SEPTIN9: variants seen among roughly 807,000 people sequenced by gnomAD.
SEPTIN9 encodes septin-9.
In SEPTIN9, 13 loss-of-function variants were observed where a neutral mutation model predicts 56.6. The ratio of observed to expected loss-of-function variants is 0.23; its 90% CI spans 0.15 to 0.37. The LOEUF is 0.37. Ranked by LOEUF, SEPTIN9 falls within the 10% of genes least tolerant of loss-of-function variation. The pLI is 1.00. For missense variants in SEPTIN9, 650 were observed against 823.1 expected (o/e 0.79, Z 2.57); for synonymous variants, 332 against 334.1 (o/e 0.99, Z 0.07).
intron 1 of SEPTIN9, among the ~76,000 whole-genome samples, chr17:77,288,929 G>A (rs1219094133): frequency 6.6e-6 from 1 of 152,236 alleles, no homozygotes; most frequent in African/African-American, 2.4e-5. Flanking sequence ...TGGATTTCTC[G>A]CCAGTGTTGG....
At chr17:77,388,483 C>T (rs1015931164) in intron 2 of SEPTIN9, among the ~76,000 whole-genome samples, 1 of 152,246 alleles carries the variant, frequency 6.6e-6, no homozygotes, top group African/African-American at 2.4e-5. Context: ...CCAGGCAGAT[C>T]CGTGTAGGTT....
intron 2 of SEPTIN9, among the ~76,000 whole-genome samples, chr17:77,368,492 A>G (rs1255630475): frequency 1.3e-5 from 2 of 152,032 alleles, no homozygotes; most frequent in Admixed American, 1.3e-4. Context: ...TTGTATTTTT[A>G]GTAGAGACAG....
At chr17:77,485,808 A>G (rs938069740) in intron 4 of SEPTIN9, among the ~76,000 whole-genome samples, 2 of 152,110 alleles carry the variant, frequency 1.3e-5, no homozygotes, top group South Asian at 4.1e-4. Flanking sequence ...AGGTGTTATC[A>G]AAGTCAGAAC....
intron 2 of SEPTIN9, among the ~76,000 whole-genome samples, chr17:77,355,553 C>T (rs1296608940): frequency 2.0e-5 from 3 of 152,022 alleles, no homozygotes; most frequent in East Asian, 1.9e-4. Context: ...GGATGGGGAT[C>T]GTGGGCTGAA....
chr17:77,321,545 G>A (rs57479163), intron 2 of SEPTIN9, among the ~76,000 whole-genome samples: 19,897 of 151,292 alleles, frequency 0.13, 1,524 homozygotes, highest in South Asian at 0.24. Context: ...GACTATAGGC[G>A]CCCGCCATAT....
At chr17:77,488,348 C>A (rs764488297) in intron 6 of SEPTIN9, 27 bp downstream of exon 6, 3 of 1,594,468 alleles carry the variant, frequency 1.9e-6, no homozygotes, top group Non-Finnish European at 2.6e-6. Flanking sequence ...GGGAGGAGCA[C>A]TAGCGGGGGC....
chr17:77,426,266 G>T (rs1056390493), intron 3 of SEPTIN9, among the ~76,000 whole-genome samples: 1 of 152,038 alleles, frequency 6.6e-6, no homozygotes, highest in Non-Finnish European at 1.5e-5. Flanking sequence ...GCCCGACAGG[G>T]TGGCCAGCGA....
chr17:77,485,252 T>TGAAGG (rs1377068992), intron 4 of SEPTIN9, among the ~76,000 whole-genome samples: 6 of 93,090 alleles, frequency 6.4e-5, no homozygotes, highest in Admixed American at 9.8e-5. Context: ...ATTGTGATGG[T>TGAAGG]GGTGATTGTG....
intron 3 of SEPTIN9, among the ~76,000 whole-genome samples, chr17:77,418,039 G>A (rs2036565144): frequency 6.6e-6 from 1 of 152,194 alleles, no homozygotes; most frequent in African/African-American, 2.4e-5. Context: ...CTGGCGGTGG[G>A]GGGAGTGCCC....
Position 77,387,087 on chromosome 17 carries a change from C to T in SEPTIN9, c.77-14972C>T, listed in dbSNP as rs533715766. Among the ~76,000 whole-genome samples the T allele has an allele frequency of 9.8e-5, 15 of 152,294 alleles. No individual in the cohort carries two copies. In the East Asian group the frequency reaches 1.2e-3, roughly 12 times the overall value. ...AGGCTTAGCAGGGGAGGAGGGCCCC[C>T]GTGACAGTTTGCTGGGGCTGCTGCA... On this transcript the variant is annotated intron_variant, in intron 2 of 11. Transcript: ENST00000427177.
chr17:77,349,789 A>G (rs1039033906), intron 2 of SEPTIN9, among the ~76,000 whole-genome samples: 12 of 152,172 alleles, frequency 7.9e-5, no homozygotes, highest in African/African-American at 2.2e-4. Flanking sequence ...GTCCAGAGCT[A>G]TAATGTTTTC....
chr17:77,338,820 G>A (rs1333705039), intron 2 of SEPTIN9, among the ~76,000 whole-genome samples: 2 of 152,198 alleles, frequency 1.3e-5, no homozygotes, highest in African/African-American at 4.8e-5. Flanking sequence ...ACCCACAATA[G>A]AGCTTCCTTC....
intron 2 of SEPTIN9, among the ~76,000 whole-genome samples, chr17:77,388,836 C>CTTTTTTT (rs2035433644): frequency 3.7e-5 from 1 of 26,912 alleles, no homozygotes; most frequent in Non-Finnish European, 8.2e-5. Flanking sequence ...TTTTTTTTTG[C>CTTTTTTT]ATTTTTTAAG....
At chr17:77,404,536 C>T (rs992499044) in intron 3 of SEPTIN9, among the ~76,000 whole-genome samples, 5 of 152,216 alleles carry the variant, frequency 3.3e-5, no homozygotes, top group African/African-American at 1.2e-4. Flanking sequence ...GCATGAGCCA[C>T]CCAACCCCTT....
chr17:77,312,821 C>T (rs775901320), intron 2 of SEPTIN9, among the ~76,000 whole-genome samples: 6 of 152,086 alleles, frequency 3.9e-5, no homozygotes, highest in South Asian at 2.1e-4. Context: ...GTCTGTATAA[C>T]GGGGCACACG....
chr17:77,390,243 A>T (rs1269108603), intron 2 of SEPTIN9, among the ~76,000 whole-genome samples: 5 of 146,446 alleles, frequency 3.4e-5, no homozygotes, highest in Non-Finnish European at 1.5e-5. Context: ...GCTACTCGGG[A>T]GGCGGAGGCA....
chr17:77,328,350 A>C (rs1598200698), intron 2 of SEPTIN9, among the ~76,000 whole-genome samples: 1 of 152,116 alleles, frequency 6.6e-6, no homozygotes, highest in Non-Finnish European at 1.5e-5. Flanking sequence ...AGGCTGCTTT[A>C]GTTCTTCTGG....
rs187754091 is a variant in SEPTIN9, at chr17:77,313,394, C to T, written c.76+6197C>T. ...TCCTAAAGCAACAGGCCTGCCCAGG[C>T]GGTTTGCACCAGTAAACCCTGCAGC... is the stretch of plus-strand genomic sequence containing the variant. On this transcript the variant is annotated intron_variant, in intron 2 of 11. Coordinates refer to ENST00000427177, the MANE Select transcript of SEPTIN9 (RefSeq NM_001113491.2). This position sits in a 1 kb window ranked among gnomAD's most constrained non-coding sequence, Gnocchi z 4.5. Among the ~76,000 whole-genome samples, 16 of 152,364 alleles carry T rather than the reference C, an allele frequency of 1.1e-4. No homozygotes were observed. The highest frequency in any genetic ancestry group is 1.8e-4 in the Non-Finnish European group (12 of 68,034).
chr17:77,496,499 G>A (rs2040263436), intron 10 of SEPTIN9: 1 of 152,138 alleles, frequency 6.6e-6, no homozygotes, highest in Admixed American at 6.5e-5. Context: ...TTGTTAAAAG[G>A]CCTTCTGTTA....
Sources: gnomAD v4.1 joint callset for allele counts (sites outside exome capture counted in the v4.1 genomes callset) on GRCh38, gnomAD v4.1.1 for gene constraint, Gnocchi (gnomAD v3.1) non-coding constraint, MANE v1.5 for transcripts, NCBI Gene and HGNC (gene_info 2026-07-23, HGNC 2026-07-21) for gene names.